LRRK2: variants seen among roughly 807,000 people sequenced by gnomAD.
LRRK2 encodes leucine rich repeat kinase 2, also known as leucine-rich repeat serine/threonine-protein kinase 2.
A neutral mutation model predicts 302.6 loss-of-function variants in LRRK2; 203 were observed. The ratio of observed to expected loss-of-function variants is 0.67; its 90% confidence interval spans 0.60 to 0.75. The LOEUF is 0.75. Ranked by LOEUF, LRRK2 falls within the 30% of genes least tolerant of loss-of-function variation. The probability of loss-of-function intolerance (pLI) is 0.00; values close to 1 mark genes in which losing one functional copy is unlikely to be tolerated. For synonymous variants in LRRK2, 1,066 were observed against 1,031.9 expected, an observed-to-expected ratio of 1.03 and a Z score of -0.63; for missense variants, 2,830 against 2,951.0, an observed-to-expected ratio of 0.96 and a Z score of 0.95.
chr12:40,225,502 G>C, intron 1 of LRRK2, 53 bp from the exon 2 acceptor site: 1 of 1,472,118 alleles, frequency 6.8e-7, no homozygotes, highest in Non-Finnish European at 9.5e-7. Context: ...AAAAGGAGAG[G>C]GGGTGCTGTG....
intron 41 of LRRK2, among the ~76,000 whole-genome samples, chr12:40,340,849 GA>G (rs1340017312): frequency 6.6e-6 from 1 of 152,140 alleles, no homozygotes; most frequent in African/African-American, 2.4e-5. Flanking sequence ...GAAACCCAAA[GA>G]ACTCTGAAAA....
chr12:40,239,564 C>T (rs1344981059), intron 5 of LRRK2, among the ~76,000 whole-genome samples: 2 of 152,064 alleles, frequency 1.3e-5, no homozygotes, highest in Non-Finnish European at 2.9e-5. Context: ...ATAGAAAAAC[C>T]ATCAGTGCTG....
chr12:40,268,357 A>G (rs909925437), intron 14 of LRRK2, among the ~76,000 whole-genome samples: 2 of 152,216 alleles, frequency 1.3e-5, no homozygotes, highest in South Asian at 2.1e-4. Flanking sequence ...AAATATACCA[A>G]GCTTAAATAT....
chr12:40,260,635 G>A (rs1201525540), intron 13 of LRRK2, among the ~76,000 whole-genome samples: 1 of 152,116 alleles, frequency 6.6e-6, no homozygotes, highest in Admixed American at 6.6e-5. Flanking sequence ...TTTGCAGATT[G>A]TAGTGTCACA....
chr12:40,265,731 ACGCTACC>A (rs1942981223), intron 14 of LRRK2, among the ~76,000 whole-genome samples: 2 of 152,152 alleles, frequency 1.3e-5, no homozygotes, highest in Non-Finnish European at 2.9e-5. Flanking sequence ...CATGCTCCCC[ACGCTACC>A]TGACTTCAAA....
chr12:40,354,594 C>A, intron 45 of LRRK2, 102 bp downstream of exon 45: 2 of 1,059,578 alleles, frequency 1.9e-6, no homozygotes, highest in African/African-American at 1.6e-5. Flanking sequence ...TCATTTTTAG[C>A]CTATTTTCAT....
intron 2 of LRRK2, 118 bp from the exon 3 acceptor site, chr12:40,232,156 A>G (rs2136395331): frequency 3.8e-6 from 3 of 780,402 alleles, no homozygotes; most frequent in South Asian, 1.5e-5. Flanking sequence ...TTGTATAACC[A>G]TTGTTTACAA....
intron 18 of LRRK2, among the ~76,000 whole-genome samples, chr12:40,279,225 T>TTTTTTTTTTTTTTTTTTTTTG (rs1943587148): frequency 1.4e-5 from 2 of 148,056 alleles, no homozygotes; most frequent in African/African-American, 2.5e-5. Context: ...GTTTACTTTT[T>TTTTTTTTTTTTTTTTTTTTTG]AAACCTTACT....
intron 39 of LRRK2, among the ~76,000 whole-genome samples, chr12:40,333,495 G>A (rs935919448): frequency 2.6e-5 from 4 of 152,028 alleles, no homozygotes; most frequent in African/African-American, 9.7e-5. Context: ...AGTATAAAGC[G>A]AATCTGGAAT....
chr12:40,365,229 G>A (rs1946841622), intron 49 of LRRK2, 179 bp downstream of exon 49: 1 of 601,862 alleles, frequency 1.7e-6, no homozygotes, highest in Non-Finnish European at 2.9e-6. Flanking sequence ...AGTGGAGGGA[G>A]TAAATGCTCT....
rs202009639 is a variant in LRRK2 at position 40,259,578 on chromosome 12, G to A, written c.1517G>A (p.Arg506Gln). ...TSLPVQLEAL[R>Q]AILHFIVPGM... ...TTACCAGTGCAGCTGGAGGCGCTTC[G>A]AGCTATTTTACATTTTATAGTGCCT... Residue 506 changes from arginine to glutamine, a missense_variant, in exon 13 of 51, where the codon CGA becomes CAA. Transcript: ENST00000298910. The A allele has an allele frequency of 1.1e-4, 174 of 1,613,076 alleles. 3 individuals are homozygous for A. In the Middle Eastern group the frequency reaches 1.5e-3, roughly 14 times the overall value.
Position 40,295,606 on chromosome 12 carries a change from C to T in LRRK2, c.3058C>T (p.Gln1020Ter). The T allele has an allele frequency of 6.2e-7, 1 of 1,613,992 alleles. No individual in the cohort carries two copies. The highest frequency in any genetic ancestry group is 1.7e-5 in the Admixed American group (1 of 60,000). ...LEHLEKLELHQNALTSFPQQL... is the reference protein window; with the variant it reads ...LEHLEKLELH ...GCATCTTGAAAAGCTGGAGCTTCAC[C>T]AGAATGCACTCACGAGCTTTCCACA... Residue 1020 changes from glutamine (Q) to a stop codon, truncating the protein, a stop_gained, in exon 23 of 51, where the codon CAG becomes TAG. Transcript: ENST00000298910. LOFTEE classifies it high-confidence loss of function.
At chr12:40,250,069 A>C (rs1942185869) in intron 8 of LRRK2, 124 bp downstream of exon 8, 5 of 1,179,392 alleles carry the variant, frequency 4.2e-6, no homozygotes, top group African/African-American at 1.5e-5. Context: ...TGTGTAGCTC[A>C]TTTTCCAGTA....
At chr12:40,245,828 C>A (rs1417895990) in intron 7 of LRRK2, among the ~76,000 whole-genome samples, 1 of 151,950 alleles carries the variant, frequency 6.6e-6, no homozygotes, top group African/African-American at 2.4e-5. Context: ...CTAAACTCTT[C>A]GTTAATTCTG....
intron 5 of LRRK2, 75 bp from the exon 6 acceptor site, chr12:40,240,408 A>G: frequency 1.5e-6 from 2 of 1,338,948 alleles, no homozygotes; most frequent in Admixed American, 1.8e-5. Flanking sequence ...ACTATAATGA[A>G]TATTGTAATT....
At chr12:40,354,229 T>C in intron 44 of LRRK2, 70 bp from the exon 45 acceptor site, 1 of 1,273,626 alleles carries the variant, frequency 7.9e-7, no homozygotes, top group Non-Finnish European at 1.1e-6. Flanking sequence ...CAGAATCCTT[T>C]ATTCTGTACA....
chr12:40,332,080 G>A (rs1364487797), intron 39 of LRRK2, among the ~76,000 whole-genome samples: 1 of 152,206 alleles, frequency 6.6e-6, no homozygotes, highest in Admixed American at 6.5e-5. Flanking sequence ...TGAGTCATCT[G>A]TGCTTTTCTC....
In LRRK2 at chr12:40,364,961, T is replaced by C; in HGVS notation, c.7301T>C (p.Ile2434Thr). The C allele has an allele frequency of 6.2e-7, 1 of 1,612,702 alleles. No homozygotes were observed. Among genetic ancestry groups the C allele is most frequent in the Non-Finnish European group, 8.5e-7 (1 of 1,179,138 alleles). ...ALWIGTGGGH[I>T]LLLDLSTRRL... is the part of the protein sequence containing the mutation. Reference sequence around the variant, plus strand: ...TGGATAGGAACTGGAGGAGGCCATATTTTACTCCTGGATCTTTCAACTCGT... The same window carrying C: ...TGGATAGGAACTGGAGGAGGCCATACTTTACTCCTGGATCTTTCAACTCGT... Residue 2434 changes from isoleucine (I) to threonine (T), a missense_variant, in exon 49 of 51, where the codon ATT (isoleucine) becomes ACT (threonine). Physicochemically the swap from Ile to Thr is moderately conservative, Grantham distance 89. Transcript: ENST00000298910.
At chr12:40,335,473 T>A (rs1337047552) in intron 40 of LRRK2, among the ~76,000 whole-genome samples, 1 of 152,148 alleles carries the variant, frequency 6.6e-6, no homozygotes, top group Non-Finnish European at 1.5e-5. Flanking sequence ...AAAGTAAGTG[T>A]CAATTACATG....
Sources: gnomAD v4.1 joint callset for allele counts (sites outside exome capture counted in the v4.1 genomes callset) on GRCh38, gnomAD v4.1.1 for gene constraint, MANE v1.5 for transcripts, NCBI Gene and HGNC (gene_info 2026-07-23, HGNC 2026-07-21) for gene names.